The following DOCK10 variants were observed in gnomAD, a reference collection of about 807,000 sequenced individuals.
The protein encoded by DOCK10 is dedicator of cytokinesis protein 10.
A neutral mutation model predicts 280.1 loss-of-function variants in DOCK10; 145 were observed. The observed-to-expected ratio is 0.52, with a 90% CI of 0.45 to 0.59. DOCK10 has a LOEUF of 0.59. Ranked by LOEUF, DOCK10 falls within the 20% of genes least tolerant of loss-of-function variation. The pLI, the probability that DOCK10 is intolerant of heterozygous loss-of-function variation, is 0.00. For synonymous variants in DOCK10, 915 were observed against 942.2 expected (o/e 0.97, Z 0.53); for missense variants, 2,368 against 2,651.7 (o/e 0.89, Z 2.35).
At chr2:224,944,685 C>T (rs535544646) in intron 1 of DOCK10, among the ~76,000 whole-genome samples, 1 of 152,300 alleles carries the variant, frequency 6.6e-6, no homozygotes, top group South Asian at 2.1e-4. Context: ...TCTAATTACT[C>T]GTTGCACTTT....
chr2:224,767,573 C>T (rs1024813149), intron 55 of DOCK10, among the ~76,000 whole-genome samples: 1 of 152,140 alleles, frequency 6.6e-6, no homozygotes, highest in Non-Finnish European at 1.5e-5. Context: ...TGTGACCTGA[C>T]CAGGACAAAG....
intron 47 of DOCK10, 100 bp downstream of exon 47, chr2:224,792,874 T>C: frequency 3.4e-6 from 3 of 886,292 alleles, no homozygotes; most frequent in East Asian, 2.6e-5. Context: ...AGACAGTTTT[T>C]GCTTCTAAGA....
At chr2:224,808,381 T>C (rs148143084) in intron 31 of DOCK10, among the ~76,000 whole-genome samples, 1 of 152,106 alleles carries the variant, frequency 6.6e-6, no homozygotes, top group Non-Finnish European at 1.5e-5. Flanking sequence ...GAAAAACACA[T>C]TTTCTGCTTG....
intron 31 of DOCK10, among the ~76,000 whole-genome samples, chr2:224,812,623 T>C (rs1481741862): frequency 6.6e-6 from 1 of 152,208 alleles, no homozygotes; most frequent in Non-Finnish European, 1.5e-5. Context: ...GGCTGTGGGT[T>C]TGTCATAGTT....
chr2:224,956,576 A>G (rs1704047909), intron 1 of DOCK10, among the ~76,000 whole-genome samples: 1 of 140,968 alleles, frequency 7.1e-6, no homozygotes, highest in Non-Finnish European at 1.5e-5. Flanking sequence ...GTGAGCCGAG[A>G]TTGCACCACT....
Position 224,802,048 on chromosome 2 carries a change from CA to C in DOCK10, c.4269-9del. ...CTGGAAGTGGAGTGCATCCTGAAAA[CA>C]AAAAAAGAAAAGTGGTTAGAGTTAT... is the stretch of plus-strand genomic sequence containing the variant. On this transcript the variant is annotated splice_polypyrimidine_tract_variant and intron_variant, in intron 39 of 55. Coordinates refer to ENST00000258390, the MANE Select transcript of DOCK10 (RefSeq NM_014689.3). The C allele has an allele frequency of 3.1e-6, 5 of 1,601,080 alleles. No individual in the cohort carries two copies. The highest frequency in any genetic ancestry group is 3.4e-6 in the Non-Finnish European group (4 of 1,175,566).
chr2:224,778,533 TA>T, intron 50 of DOCK10: 1 of 500,930 alleles, frequency 2.0e-6, no homozygotes, highest in Non-Finnish European at 3.6e-6. Flanking sequence ...ATCTTACAAA[TA>T]TTATTTTCTC....
intron 25 of DOCK10, among the ~76,000 whole-genome samples, chr2:224,834,791 AT>A (rs949324314): frequency 1.3e-5 from 2 of 151,894 alleles, no homozygotes; most frequent in Non-Finnish European, 2.9e-5. Context: ...CTGCATACTT[AT>A]TTTTTTTCCT....
At chr2:224,812,182 T>C (rs926389218) in intron 31 of DOCK10, among the ~76,000 whole-genome samples, 2 of 152,230 alleles carry the variant, frequency 1.3e-5, no homozygotes, top group African/African-American at 4.8e-5. Flanking sequence ...TTTGTAGTTC[T>C]CCTTGAAGAT....
At chr2:225,007,693 AT>A (rs1689313236) in intron 1 of DOCK10, among the ~76,000 whole-genome samples, 1 of 152,192 alleles carries the variant, frequency 6.6e-6, no homozygotes, top group Non-Finnish European at 1.5e-5. Flanking sequence ...GAAACTTGAA[AT>A]ATTGTGTTTA....
intron 31 of DOCK10, among the ~76,000 whole-genome samples, chr2:224,812,635 G>A (rs1693856917): frequency 6.6e-6 from 1 of 152,106 alleles, no homozygotes; most frequent in Admixed American, 6.5e-5. Context: ...GTCATAGTTA[G>A]CTCTTATTAT....
chr2:224,993,399 T>G (rs13416139), intron 1 of DOCK10, among the ~76,000 whole-genome samples: 41,326 of 151,934 alleles, frequency 0.27, 10,064 homozygotes, highest in African/African-American at 0.66. Context: ...CAGCACCTGA[T>G]ATATTGGGAA....
At chr2:224,956,274 C>G (rs1169020910) in intron 1 of DOCK10, among the ~76,000 whole-genome samples, 1 of 152,114 alleles carries the variant, frequency 6.6e-6, no homozygotes, top group Admixed American at 6.5e-5. Context: ...ATTCCTTGAC[C>G]CTAACCAGGA....
At chr2:224,851,069 G>A (rs1195732218) in intron 18 of DOCK10, among the ~76,000 whole-genome samples, 1 of 152,120 alleles carries the variant, frequency 6.6e-6, no homozygotes, top group East Asian at 1.9e-4. Context: ...GGATAGGGCT[G>A]GTTACCATCT....
intron 1 of DOCK10, among the ~76,000 whole-genome samples, chr2:224,998,949 G>A (rs1436253242): frequency 1.3e-5 from 2 of 152,162 alleles, no homozygotes; most frequent in Non-Finnish European, 2.9e-5. Context: ...CACTTTGAGA[G>A]GCCCAAGCAG....
At chr2:224,979,499 G>T (rs1400863991) in intron 1 of DOCK10, among the ~76,000 whole-genome samples, 1 of 152,184 alleles carries the variant, frequency 6.6e-6, no homozygotes, top group Admixed American at 6.5e-5. Context: ...GACATGATCT[G>T]ACCCCATTGC....
At position 224,874,650 on chromosome 2, in the gene DOCK10, A is replaced by T; in HGVS notation, c.1017+16T>A. ...AATTCAAATTGGTTTTGCAAGTACA[A>T]TGCCAACTTTATTACCTTTGCAAAG... On this transcript the variant is annotated intron_variant, in intron 9 of 55. Coordinates refer to ENST00000258390, the MANE Select transcript of DOCK10 (RefSeq NM_014689.3). The T allele has an allele frequency of 6.2e-7, 1 of 1,611,650 alleles. No individual in the cohort carries two copies. The highest frequency in any genetic ancestry group is 8.5e-7 in the Non-Finnish European group (1 of 1,177,846).
intron 3 of DOCK10, among the ~76,000 whole-genome samples, chr2:224,900,441 C>T (rs1257509281): frequency 6.6e-6 from 1 of 152,024 alleles, no homozygotes. Flanking sequence ...TGACCTAGGC[C>T]CCATAGGTGG....
intron 1 of DOCK10, among the ~76,000 whole-genome samples, chr2:224,943,990 C>T (rs892386988): frequency 5.3e-5 from 8 of 152,200 alleles, no homozygotes; most frequent in East Asian, 3.9e-4. Context: ...GTCTCCATCT[C>T]CTGACCTTGT....
Sources: gnomAD v4.1 joint callset for allele counts (sites outside exome capture counted in the v4.1 genomes callset) on GRCh38, gnomAD v4.1.1 for gene constraint, MANE v1.5 for transcripts, NCBI Gene and HGNC (gene_info 2026-07-23, HGNC 2026-07-21) for gene names.